Variants in LCOR observed in about 807,000 individuals in gnomAD.
LCOR encodes the protein ligand-dependent corepressor.
Under a neutral mutation model 64.4 loss-of-function variants are expected in LCOR, and 14 were observed. The ratio of observed to expected loss-of-function variants is 0.22; its 90% CI spans 0.14 to 0.34. The LOEUF is 0.34. Among genes scored for constraint, LCOR ranks in the 10% least tolerant of loss-of-function variants. The pLI, the probability that LCOR is intolerant of heterozygous loss-of-function variation, is 1.00. For synonymous variants in LCOR, 643 were observed against 642.5 expected (o/e 1.00, Z -0.01); for missense variants, 1,686 against 1,765.3 (o/e 0.96, Z 0.80).
chr10:96,943,112 G>GTTTGT (rs2134513293), intron 4 of LCOR, among the ~76,000 whole-genome samples: 1 of 151,740 alleles, frequency 6.6e-6, no homozygotes, highest in East Asian at 1.9e-4. Flanking sequence ...TTTTTTGTTT[G>GTTTGT]TTTTTGAGAC....
rs1481150069 is a variant in LCOR, at chr10:96,993,506, A to C, written c.*8372A>C. 6.6e-6 allele frequency: 1 copy of C among 152,124 alleles called. No individual in the cohort carries two copies. The highest frequency in any genetic ancestry group is 2.1e-4 in the South Asian group (1 of 4,826). The allele number at this position is 152,124 out of a possible 1,614,324, so 9.4% of individuals were successfully genotyped here. ...AATGTTCACAAGAAGTAATGTTGTA[A>C]ATAGTTTTCTAAAAATATTTATTAC... On this transcript the variant is annotated 3_prime_UTR_variant, in exon 8 of 8. Coordinates refer to ENST00000421806, the MANE Select transcript of LCOR (RefSeq NM_001346516.2).
intron 7 of LCOR, chr10:96,959,204 T>A (rs1847842498): frequency 6.6e-6 from 1 of 152,170 alleles, no homozygotes; most frequent in African/African-American, 2.4e-5. Context: ...TCACAATGTG[T>A]AATAGAGATT....
chr10:96,879,300 A>C (rs899569720), intron 2 of LCOR, among the ~76,000 whole-genome samples: 1 of 152,114 alleles, frequency 6.6e-6, no homozygotes, highest in African/African-American at 2.4e-5. Context: ...ACTTGAACCC[A>C]CCCCTTGAAC....
At chr10:96,969,946 ATT>A (rs751045855) in intron 7 of LCOR, among the ~76,000 whole-genome samples, 1,311 of 67,710 alleles carry the variant, frequency 0.019, 27 homozygotes, top group African/African-American at 0.072. Context: ...CACCTGGATA[ATT>A]TTTTTTTTTT....
chr10:96,841,921 A>G (rs1052102546), intron 2 of LCOR, among the ~76,000 whole-genome samples: 2 of 152,002 alleles, frequency 1.3e-5, no homozygotes, highest in South Asian at 4.2e-4. Context: ...ATTTTTACTC[A>G]TAATACTAGA....
chr10:96,926,163 C>T (rs1847163903), intron 4 of LCOR, among the ~76,000 whole-genome samples: 1 of 152,044 alleles, frequency 6.6e-6, no homozygotes, highest in Non-Finnish European at 1.5e-5. Flanking sequence ...ATACACATAC[C>T]CCCTTTTTTG....
intron 7 of LCOR, among the ~76,000 whole-genome samples, chr10:96,972,308 C>T (rs1011108296): frequency 2.0e-5 from 3 of 151,864 alleles, no homozygotes; most frequent in African/African-American, 7.3e-5. Flanking sequence ...AAATTAACAC[C>T]ATATATACGT....
At chr10:96,953,806 T>C (rs938689170) in intron 7 of LCOR, among the ~76,000 whole-genome samples, 26 of 152,354 alleles carry the variant, frequency 1.7e-4, no homozygotes, top group African/African-American at 3.1e-4. Context: ...TTCAGTGTTA[T>C]CCTTATTGTG....
At chr10:96,910,780 G>T (rs928218669) in intron 4 of LCOR, among the ~76,000 whole-genome samples, 8 of 152,182 alleles carry the variant, frequency 5.3e-5, no homozygotes, top group Admixed American at 5.2e-4. Context: ...ATTTGGAAAA[G>T]CACTTAGAAA....
rs115140616 is a variant in LCOR at position 96,982,461 on chromosome 10, C to T, written c.2001C>T (p.Asp667=). 2.8e-5 allele frequency: 45 copies of T among 1,614,220 alleles called. No individual in the cohort carries two copies. In the African/African-American group the frequency reaches 5.9e-4, roughly 21 times the overall value. The change falls in exon 8 of 8, where the codon GAC becomes GAT. Residue 667 remains aspartate, a synonymous_variant. Coordinates refer to ENST00000421806, the MANE Select transcript of LCOR (RefSeq NM_001346516.2). ...CGGAGGAGATGAGTGTACCCCAGGA[C>T]TGTCACCTCCTTCCCTCCACTGAAA... ...LDTEEMSVPQ[D]CHLLPSTESF... is the part of the protein sequence containing the mutation.
intron 4 of LCOR, among the ~76,000 whole-genome samples, chr10:96,922,355 T>C (rs1424502032): frequency 6.6e-6 from 1 of 152,170 alleles, no homozygotes; most frequent in Non-Finnish European, 1.5e-5. Flanking sequence ...TCAAGGAATT[T>C]ACAGTCTGTT....
chr10:96,896,613 G>A (rs1284470562), intron 2 of LCOR, among the ~76,000 whole-genome samples: 1 of 151,918 alleles, frequency 6.6e-6, no homozygotes, highest in Non-Finnish European at 1.5e-5. Flanking sequence ...TAATAGAGAT[G>A]GGGTTTTACC....
chr10:96,981,489 G>A lies in LCOR; in HGVS notation c.1029G>A (p.Leu343=). The change falls in exon 8 of 8, where the codon TTG becomes TTA. Residue 343 remains leucine (L), a synonymous_variant. Coordinates refer to ENST00000421806, the MANE Select transcript of LCOR (RefSeq NM_001346516.2). The part of the protein sequence containing the change: ...GNTCIIPQRN[L]FKALSEEAWN... ...CCTGTATTATTCCTCAAAGAAATTT[G>A]TTCAAAGCTTTATCAGAAGAGGCTT... The A allele has an allele frequency of 6.2e-7, 1 of 1,614,178 alleles. No homozygotes were observed. The highest frequency in any genetic ancestry group is 8.5e-7 in the Non-Finnish European group (1 of 1,180,022).
At position 96,983,986 on chromosome 10, in the gene LCOR, A is replaced by G. The variant is rs752604704; in HGVS notation, c.3526A>G (p.Thr1176Ala). The G allele has an allele frequency of 4.3e-6, 7 of 1,614,190 alleles. No homozygotes were observed. Among genetic ancestry groups the G allele is most frequent in the Non-Finnish European group, 5.1e-6 (6 of 1,180,030 alleles). ...TTCTCCTGTTCAGATGCTCTTTATG[A>G]CAAACTTTAAATTATCTAATGTTTG... ...KCSPVQMLFM[T>A]NFKLSNVCKW... The change falls in exon 8 of 8, where the codon ACA becomes GCA. Residue 1176 changes from threonine (T) to alanine (A), a missense_variant. By Grantham distance (58) the Thr-to-Ala change is moderately conservative. Transcript: ENST00000421806. This position sits in a 1 kb window ranked among gnomAD's most constrained non-coding sequence, Gnocchi z 4.5.
At chr10:96,967,510 G>T (rs1366613471) in intron 7 of LCOR, among the ~76,000 whole-genome samples, 1 of 152,178 alleles carries the variant, frequency 6.6e-6, no homozygotes, top group Non-Finnish European at 1.5e-5. Flanking sequence ...AAGTGAGGGT[G>T]TTACAGACTG....
rs1371771053 is a variant in LCOR at position 96,989,695 on chromosome 10, A to ATATATATATATTTTTTT, written c.*4562_*4563insATATATATATTTTTTTT. 1.2e-5 allele frequency: 1 copy of ATATATATATATTTTTTT among 86,160 alleles called. No individual in the cohort carries two copies. Among genetic ancestry groups the ATATATATATATTTTTTT allele is most frequent in the African/African-American group, 6.2e-5 (1 of 16,170 alleles). 5.3% of individuals were successfully genotyped at this position (86,160 alleles called of 1,614,324 possible). Reference sequence around the variant, plus strand: ...TAAGGATATATATATATATATATATATTTTTTTTTTTTTTTTTTTTTTTTA... The same window carrying ATATATATATATTTTTTT: ...TAAGGATATATATATATATATATATATATATATATATTTTTTTTTTTTTTTTTTTTTTTTTTTTTTTA... On this transcript the variant is annotated 3_prime_UTR_variant, in exon 8 of 8. Transcript: ENST00000421806.
chr10:96,855,109 G>T (rs1845780797), intron 2 of LCOR, among the ~76,000 whole-genome samples: 1 of 152,162 alleles, frequency 6.6e-6, no homozygotes, highest in Non-Finnish European at 1.5e-5. Flanking sequence ...TGAGTGAGTG[G>T]TTCAGGGATC....
At chr10:96,884,719 C>T (rs532149395) in intron 2 of LCOR, among the ~76,000 whole-genome samples, 20 of 152,162 alleles carry the variant, frequency 1.3e-4, no homozygotes, top group Non-Finnish European at 2.8e-4. Context: ...GTCAGTGGAC[C>T]ACACTTTTGA....
rs908431684 is a variant in LCOR, at chr10:96,987,077, T to A, written c.*1943T>A. ...CTTCTCTATCTGATGAGTCTTTTTC[T>A]TTTTAGTATCTTTGACTTTGGCCAT... On this transcript the variant is annotated 3_prime_UTR_variant, in exon 8 of 8. Coordinates refer to ENST00000421806, the MANE Select transcript of LCOR (RefSeq NM_001346516.2). The A allele has an allele frequency of 6.6e-6, 1 of 152,204 alleles. No homozygotes were observed. The highest frequency in any genetic ancestry group is 2.4e-5 in the African/African-American group (1 of 41,440). The allele number at this position is 152,204 out of a possible 1,614,324, so 9.4% of individuals were successfully genotyped here. A position where few individuals can be genotyped will look rare whatever the true frequency, so the allele number is the denominator to read the frequency against.
Sources: gnomAD v4.1 joint callset for allele counts (sites outside exome capture counted in the v4.1 genomes callset) on GRCh38, gnomAD v4.1.1 for gene constraint, Gnocchi (gnomAD v3.1) non-coding constraint, MANE v1.5 for transcripts, NCBI Gene and HGNC (gene_info 2026-07-23, HGNC 2026-07-21) for gene names.